The following TNRC18 variants were observed in gnomAD, a reference collection of about 807,000 sequenced individuals.
The protein encoded by TNRC18 is trinucleotide repeat containing 18, also known as trinucleotide repeat-containing gene 18 protein.
TNRC18 carries 69 observed loss-of-function variants against 226.7 expected under a neutral mutation model. The ratio of observed to expected loss-of-function variants is 0.30; its 90% CI spans 0.25 to 0.37. The LOEUF is 0.37. TNRC18 is among the 10% of genes least tolerant of loss of function. TNRC18 has a pLI of 1.00. For synonymous variants in TNRC18, 2,449 were observed against 1,927.6 expected (o/e 1.27, Z -7.09); for missense variants, 4,754 against 4,256.6 (o/e 1.12, Z -3.25).
intron 27 of TNRC18, among the ~76,000 whole-genome samples, chr7:5,310,438 G>T (rs1376229112): frequency 2.0e-5 from 3 of 152,116 alleles, no homozygotes; most frequent in Non-Finnish European, 4.4e-5. Flanking sequence ...GTTTCACCAT[G>T]TTGGCAGGGT....
intron 2 of TNRC18, among the ~76,000 whole-genome samples, chr7:5,404,327 C>T (rs1201179820): frequency 3.3e-5 from 5 of 151,870 alleles, no homozygotes; most frequent in Admixed American, 6.6e-5. Flanking sequence ...GCCGAGATCA[C>T]GCCACTGCAC....
At chr7:5,356,499 C>G (rs1433655500) in intron 16 of TNRC18, among the ~76,000 whole-genome samples, 1 of 152,260 alleles carries the variant, frequency 6.6e-6, no homozygotes, top group Non-Finnish European at 1.5e-5. Context: ...GTAGGGGAGT[C>G]CGGTCACCTC....
intron 21 of TNRC18, among the ~76,000 whole-genome samples, chr7:5,322,046 G>T (rs1001025665): frequency 2.0e-5 from 3 of 151,918 alleles, no homozygotes; most frequent in Non-Finnish European, 4.4e-5. Flanking sequence ...TTGGGAGGCT[G>T]AGGCGGGCAG....
chr7:5,339,723 C>T (rs532306378), intron 18 of TNRC18, among the ~76,000 whole-genome samples: 66 of 152,016 alleles, frequency 4.3e-4, no homozygotes, highest in Non-Finnish European at 8.4e-4. Flanking sequence ...GCGCCCGCCA[C>T]CACATCTGGA....
intron 19 of TNRC18, among the ~76,000 whole-genome samples, chr7:5,327,159 T>C (rs560658965): frequency 1.3e-5 from 2 of 151,906 alleles, no homozygotes; most frequent in South Asian, 2.1e-4. Flanking sequence ...CCAAAACAAA[T>C]GGCCAAGGCC....
At chr7:5,401,714 TCACC>T (rs1463020808) in intron 2 of TNRC18, among the ~76,000 whole-genome samples, 1 of 152,258 alleles carries the variant, frequency 6.6e-6, no homozygotes, top group Non-Finnish European at 1.5e-5. Flanking sequence ...GCTAGACTGC[TCACC>T]CCAGCATTAC....
In TNRC18 at chr7:5,313,016, G is replaced by T. The variant is rs1562477585; in HGVS notation, c.7875C>A (p.Ser2625=). 6 of 855,214 alleles carry T rather than the reference G, an allele frequency of 7.0e-6. No homozygotes were observed. Among genetic ancestry groups the T allele is most frequent in the Admixed American group, 4.1e-5 (2 of 48,786 alleles). 53.0% of individuals were successfully genotyped at this position (855,214 alleles called of 1,614,324 possible). A position where few individuals can be genotyped will look rare whatever the true frequency, so the allele number is the denominator to read the frequency against. Residue 2625 remains serine, a synonymous_variant, in exon 27 of 30, where the codon TCC becomes TCA. Transcript: ENST00000430969. ...AGGAAGAGGAGGATGAGGAGGAGGA[G>T]GAGGAGGAGGAGGAGGATGAGGAGG... ...SSSSSSSSSS[S]SSSSSSSSSS...
chr7:5,389,647 G>A (rs1271069710), intron 4 of TNRC18: 2 of 186,922 alleles, frequency 1.1e-5, no homozygotes, highest in Non-Finnish European at 2.2e-5. Context: ...TACAGGTGGG[G>A]TTTCACCATG....
At chr7:5,359,323 G>C in intron 15 of TNRC18, 75 bp downstream of exon 15, 11 of 1,493,330 alleles carry the variant, frequency 7.4e-6, no homozygotes, top group Non-Finnish European at 1.0e-5. Flanking sequence ...CCTGCGAAGG[G>C]AGCGTGAACT....
At position 5,377,853 on chromosome 7, in the gene TNRC18, C is replaced by T. The variant is rs1779113364; in HGVS notation, c.2255+69G>A. Reference sequence around the variant, plus strand: ...AGGGGCCAAGCCCACCTGGGGTCATCCAGCTGCCCCTCACCCCCAGGGGCT... The same window carrying T: ...AGGGGCCAAGCCCACCTGGGGTCATTCAGCTGCCCCTCACCCCCAGGGGCT... On this transcript the variant is annotated intron_variant, in intron 6 of 29. Transcript: ENST00000430969. This position sits in a 1 kb window ranked among gnomAD's most constrained non-coding sequence, Gnocchi z 5.8. 1 of 1,497,926 alleles carries T rather than the reference C, an allele frequency of 6.7e-7. No homozygotes were observed. Among genetic ancestry groups the T allele is most frequent in the Non-Finnish European group, 9.2e-7 (1 of 1,082,350 alleles). The allele number at this position is 1,497,926 out of a possible 1,614,324, so 92.8% of individuals were successfully genotyped here. A position where few individuals can be genotyped will look rare whatever the true frequency, so the allele number is the denominator to read the frequency against.
At position 5,387,927 on chromosome 7, in the gene TNRC18, C is replaced by A. The variant is rs375720457; in HGVS notation, c.1897G>T (p.Ala633Ser). 4.7e-5 allele frequency: 75 copies of A among 1,595,976 alleles called. 1 individual carries two copies. In the South Asian group the frequency reaches 7.9e-4, roughly 17 times the overall value. The part of the protein sequence containing the change: ...PAPTSAGASR[A>S]QARLPHSGGP... The stretch of plus-strand genomic sequence containing the variant: ...CCGGAGTGTGGGAGACGGGCCTGGG[C>A]TCGGGAGGCACCCGCAGAGGTGGGC... The change falls in exon 5 of 30, where the codon GCC becomes TCC. Residue 633 changes from alanine (A) to serine (S), a missense_variant. Physicochemically the swap from Ala to Ser is moderately conservative, Grantham distance 99 (BLOSUM62 1). Coordinates refer to ENST00000430969, the MANE Select transcript of TNRC18 (RefSeq NM_001080495.3).
intron 11 of TNRC18, among the ~76,000 whole-genome samples, chr7:5,364,502 C>T (rs1793418399): frequency 7.2e-6 from 1 of 139,158 alleles, no homozygotes; most frequent in Non-Finnish European, 1.6e-5. Context: ...CACACACACA[C>T]ACACACACAC....
intron 5 of TNRC18, 107 bp downstream of exon 5, chr7:5,387,565 T>C (rs1584020351): frequency 2.7e-6 from 4 of 1,457,508 alleles, no homozygotes; most frequent in East Asian, 4.5e-5. Context: ...AAATGATACT[T>C]ATAAAGACTT....
chr7:5,415,291 G>C (rs1232389869), intron 2 of TNRC18, among the ~76,000 whole-genome samples: 1 of 151,554 alleles, frequency 6.6e-6, no homozygotes, highest in Non-Finnish European at 1.5e-5. Context: ...GTGGGGGTGG[G>C]CTGTGCTGAT....
In TNRC18 at chr7:5,330,322, T is replaced by C. The variant is rs144278094; in HGVS notation, c.6147+2300A>G. Among the ~76,000 whole-genome samples the C allele has an allele frequency of 4.8e-3, 727 of 151,976 alleles. 5 individuals are homozygous for C. The highest frequency in any genetic ancestry group is 0.017 in the African/African-American group (694 of 41,498). On this transcript the variant is annotated intron_variant, in intron 19 of 29. Coordinates refer to ENST00000430969, the MANE Select transcript of TNRC18 (RefSeq NM_001080495.3). ...ATAGCTCACTGCAGCCTTCACCTCC[T>C]GGGCTCAAGCAATCCCCCTGCCCCA...
intron 17 of TNRC18, among the ~76,000 whole-genome samples, chr7:5,350,821 C>G (rs936068064): frequency 6.6e-6 from 1 of 152,146 alleles, no homozygotes; most frequent in Non-Finnish European, 1.5e-5. Flanking sequence ...ACCAGGCCAG[C>G]CTCTCTCCAA....
At chr7:5,353,483 C>T (rs1443509152) in intron 16 of TNRC18, among the ~76,000 whole-genome samples, 1 of 147,090 alleles carries the variant, frequency 6.8e-6, no homozygotes, top group Non-Finnish European at 1.5e-5. Context: ...CACTTGAACC[C>T]GGGAGGTGGA....
intron 2 of TNRC18, among the ~76,000 whole-genome samples, chr7:5,417,541 G>A (rs993642723): frequency 1.3e-5 from 2 of 152,188 alleles, no homozygotes; most frequent in Non-Finnish European, 1.5e-5. Context: ...TGAATCCCCG[G>A]AAGAACATGA....
intron 5 of TNRC18, among the ~76,000 whole-genome samples, chr7:5,385,678 A>G (rs1445827014): frequency 1.4e-5 from 2 of 143,200 alleles, no homozygotes; most frequent in African/African-American, 5.2e-5. Context: ...GCGAGACTCC[A>G]TCCAAAAAAA....
Sources: gnomAD v4.1 joint callset for allele counts (sites outside exome capture counted in the v4.1 genomes callset) on GRCh38, gnomAD v4.1.1 for gene constraint, Gnocchi (gnomAD v3.1) non-coding constraint, MANE v1.5 for transcripts, NCBI Gene and HGNC (gene_info 2026-07-23, HGNC 2026-07-21) for gene names.